BAZ2A: variants seen among roughly 807,000 people sequenced by gnomAD.
The protein encoded by BAZ2A is bromodomain adjacent to zinc finger domain protein 2A.
BAZ2A carries 34 observed loss-of-function variants against 199.9 expected under a neutral mutation model. The observed-to-expected ratio is 0.17, with a 90% CI of 0.13 to 0.23. BAZ2A has a LOEUF of 0.23. Ranked by LOEUF, BAZ2A falls within the 10% of genes least tolerant of loss-of-function variation. The pLI is 1.00. For synonymous variants in BAZ2A, 857 were observed against 883.9 expected (o/e 0.97, Z 0.54); for missense variants, 2,002 against 2,391.1 (o/e 0.84, Z 3.39).
rs1017105598 is a variant in BAZ2A, at chr12:56,606,657, C to G, written c.2169G>C (p.Glu723Asp). Residue 723 changes from glutamate (E) to aspartate (D), a missense_variant, in exon 11 of 29, where the codon GAG becomes GAC. By Grantham distance (45) the Glu-to-Asp change is conservative (BLOSUM62 2). Transcript: ENST00000549884. ...KKMRQKVQRGECQTTIQGQAR... is the reference protein window; with the variant it reads ...KKMRQKVQRGDCQTTIQGQAR... ...CCTGCCCTTGGATAGTAGTCTGACA[C>G]TCTCCCCGTTGAACCTTCTGCCTCA... The G allele has an allele frequency of 6.2e-7, 1 of 1,613,916 alleles. No homozygotes were observed. Among genetic ancestry groups the G allele is most frequent in the East Asian group, 2.2e-5 (1 of 44,850 alleles).
At position 56,601,851 on chromosome 12, in the gene BAZ2A, C is replaced by T. The variant is rs775404198; in HGVS notation, c.3766G>A (p.Gly1256Ser). ...TGGCTGAGGTCATGCTGGCTCTGAC[C>T]CAGTGACAAAGGGGAGCCTTCTTGC... The part of the protein sequence containing the change: ...LEQEGSPLSL[G>S]QSQHDLSQSA... Residue 1256 changes from glycine (G) to serine (S), a missense_variant, in exon 20 of 29, where the codon GGT becomes AGT. Around this residue, in one of 6 missense-constraint regions of BAZ2A, gnomAD observed 1,081 missense variants for 1,274.7 expected, o/e 0.85. Coordinates refer to ENST00000549884, the MANE Select transcript of BAZ2A (RefSeq NM_001300905.2). 15 of 1,613,938 alleles carry T rather than the reference C, an allele frequency of 9.3e-6. No homozygotes were observed. Among genetic ancestry groups the T allele is most frequent in the Non-Finnish European group, 1.3e-5 (15 of 1,179,868 alleles).
chr12:56,609,138 G>A (rs1249440505), intron 10 of BAZ2A, among the ~76,000 whole-genome samples: 5 of 151,850 alleles, frequency 3.3e-5, no homozygotes, highest in East Asian at 1.9e-4. Flanking sequence ...TTGGCCTTCC[G>A]AAGTGCTGGG....
intron 19 of BAZ2A, among the ~76,000 whole-genome samples, 153 bp from the exon 20 acceptor site, chr12:56,602,345 C>T (rs1230790715): frequency 2.0e-5 from 3 of 152,168 alleles, no homozygotes; most frequent in African/African-American, 7.2e-5. Context: ...CCAATGAACA[C>T]AGTATCTGGG....
intron 1 of BAZ2A, among the ~76,000 whole-genome samples, chr12:56,629,750 C>A (rs1951234897): frequency 6.6e-6 from 1 of 151,734 alleles, no homozygotes; most frequent in Non-Finnish European, 1.5e-5. Flanking sequence ...ACCCCTCGCG[C>A]TCAGGCAATC....
Position 56,600,066 on chromosome 12 carries a change from G to A in BAZ2A, c.4923C>T (p.Val1641=), listed in dbSNP as rs1038005980. Reference sequence around the variant, plus strand: ...GGCACCGCTCGAGGGTCTGGCGCCAGACACGAATGCGAGGGGTGATCTCAT... The same window carrying A: ...GGCACCGCTCGAGGGTCTGGCGCCAAACACGAATGCGAGGGGTGATCTCAT... ...ISYEITPRIR[V]WRQTLERCRS... is the part of the protein sequence containing the mutation. The change falls in exon 25 of 29, where the codon GTC becomes GTT. Residue 1641 remains valine, a synonymous_variant. Coordinates refer to ENST00000549884, the MANE Select transcript of BAZ2A (RefSeq NM_001300905.2). 1 of 1,614,074 alleles carries A rather than the reference G, an allele frequency of 6.2e-7. No homozygotes were observed. Among genetic ancestry groups the A allele is most frequent in the Non-Finnish European group, 8.5e-7 (1 of 1,179,904 alleles).
At chr12:56,633,262 G>C (rs555709583), upstream of BAZ2A, among the ~76,000 whole-genome samples, 117 of 152,140 alleles carry the variant, frequency 7.7e-4, no homozygotes, top group African/African-American at 2.7e-3. Context: ...AGAGAGAAGG[G>C]GATTCGTTTG....
In BAZ2A at chr12:56,612,996, C is replaced by G; in HGVS notation, c.1135+19G>C. 6.3e-7 allele frequency: 1 copy of G among 1,594,810 alleles called. No homozygotes were observed. The highest frequency in any genetic ancestry group is 8.6e-7 in the Non-Finnish European group (1 of 1,164,104). On this transcript the variant is annotated intron_variant, in intron 5 of 28. Transcript: ENST00000549884. ...TTCTCAGGTAAAGGTCTTTCTTTGTCCTACCTACCGTCACTTACCTTGCAG... is the reference window on the plus strand; with the variant it reads ...TTCTCAGGTAAAGGTCTTTCTTTGTGCTACCTACCGTCACTTACCTTGCAG...
intron 8 of BAZ2A, 24 bp from the exon 9 acceptor site, chr12:56,610,239 A>C: frequency 1.9e-6 from 3 of 1,612,434 alleles, no homozygotes; most frequent in Non-Finnish European, 2.5e-6. Flanking sequence ...GTAAAGTAAC[A>C]TTAATAAAGT....
rs763973751 is a variant in BAZ2A, at chr12:56,610,534, T to C, written c.1671-17A>G. 6.9e-6 allele frequency: 11 copies of C among 1,603,152 alleles called. No homozygotes were observed. The highest frequency in any genetic ancestry group is 3.3e-4 in the Middle Eastern group (2 of 6,072). On this transcript the variant is annotated splice_polypyrimidine_tract_variant and intron_variant, in intron 7 of 28. Transcript: ENST00000549884. ...CTCCGCCACCTGCCAGAGAAGCACA[T>C]GGGCCCTGCCGCCAGGTCACACCCC...
rs1886274405 is a variant in BAZ2A, at chr12:56,599,946, G to C, written c.5025+18C>G. The C allele has an allele frequency of 6.2e-7, 1 of 1,613,564 alleles. No homozygotes were observed. The highest frequency in any genetic ancestry group is 1.3e-5 in the African/African-American group (1 of 74,910). On this transcript the variant is annotated intron_variant, in intron 25 of 28. Coordinates refer to ENST00000549884, the MANE Select transcript of BAZ2A (RefSeq NM_001300905.2). The stretch of plus-strand genomic sequence containing the variant: ...CTGGCTGGCCCCTCAGCCTCTCCAG[G>C]CTCTCTCAGCCTCTTACCACTTTGT...
chr12:56,635,136 G>T, upstream of BAZ2A: 1 of 723,450 alleles, frequency 1.4e-6, no homozygotes, highest in Non-Finnish European at 1.7e-6. This position sits in a 1 kb window ranked among gnomAD's most constrained non-coding sequence, Gnocchi z 4.1. Context: ...GATCCACTGG[G>T]GGAGAGGATA....
chr12:56,619,522 A>AAAAAG (rs1455709620), intron 1 of BAZ2A, among the ~76,000 whole-genome samples: 1 of 151,614 alleles, frequency 6.6e-6, no homozygotes, highest in East Asian at 1.9e-4. Flanking sequence ...AAAAAAAAAA[A>AAAAAG]AAAAGAAAAG....
chr12:56,601,196 G>A lies in BAZ2A; in HGVS notation c.4278C>T (p.Ala1426=). The A allele has an allele frequency of 6.2e-7, 1 of 1,614,034 alleles. No homozygotes were observed. The highest frequency in any genetic ancestry group is 8.5e-7 in the Non-Finnish European group (1 of 1,179,898). The change falls in exon 21 of 29, where the codon GCC becomes GCT. Residue 1426 remains alanine (A), a synonymous_variant. Transcript: ENST00000549884. ...GTCACTCACCAGGTGGGACAGGCTGGGCTGTCAGCTGGGTTAGGTAACGCT... is the reference window on the plus strand; with the variant it reads ...GTCACTCACCAGGTGGGACAGGCTGAGCTGTCAGCTGGGTTAGGTAACGCT... ...MEQRYLTQLT[A]QPVPPEMCSG... is the part of the protein sequence containing the mutation.
chr12:56,613,207 T>G lies in BAZ2A; in HGVS notation c.943A>C (p.Ile315Leu), dbSNP rs374485358. 5.0e-6 allele frequency: 8 copies of G among 1,613,986 alleles called. No individual in the cohort carries two copies. Among genetic ancestry groups the G allele is most frequent in the Non-Finnish European group, 6.8e-6 (8 of 1,179,900 alleles). ...GCACCCATCAGCTCCGTGTCATCAA[T>G]ACCATATAGTCCTCCACTCACTGGC... The part of the protein sequence containing the change: ...PEPVSGGLYG[I>L]DDTELMGAED... The change falls in exon 5 of 29, where the codon ATT becomes CTT. Residue 315 changes from isoleucine (I) to leucine (L), a missense_variant. Transcript: ENST00000549884.
intron 1 of BAZ2A, among the ~76,000 whole-genome samples, chr12:56,623,159 C>G (rs58594693): frequency 0.043 from 6,471 of 151,912 alleles, 466 homozygotes; most frequent in African/African-American, 0.15. Flanking sequence ...TGGCGTGAAC[C>G]CGGGAGGTGG....
At chr12:56,626,680 AT>A (rs1951104957) in intron 1 of BAZ2A, among the ~76,000 whole-genome samples, 2 of 152,216 alleles carry the variant, frequency 1.3e-5, no homozygotes, top group African/African-American at 4.8e-5. Flanking sequence ...TCCCAATTCA[AT>A]CATGTATCAA....
At chr12:56,634,087 CA>C (rs1196645830), upstream of BAZ2A, among the ~76,000 whole-genome samples, 6 of 152,156 alleles carry the variant, frequency 3.9e-5, no homozygotes, top group East Asian at 1.2e-3. Context: ...GACTTGTTTC[CA>C]AACTTCCCAA....
intron 10 of BAZ2A, among the ~76,000 whole-genome samples, chr12:56,609,350 A>G (rs1210374522): frequency 6.6e-6 from 1 of 152,114 alleles, no homozygotes; most frequent in Admixed American, 6.6e-5. Context: ...CCTGGCTCCC[A>G]ATTATCTTTT....
rs374216091 is a variant in BAZ2A at position 56,604,221 on chromosome 12, G to A, written c.3034C>T (p.Arg1012Trp). 3.1e-6 allele frequency: 5 copies of A among 1,604,786 alleles called. No homozygotes were observed. Among genetic ancestry groups the A allele is most frequent in the African/African-American group, 2.7e-5 (2 of 74,774 alleles). The change falls in exon 16 of 29, where the codon CGG (arginine) becomes TGG (tryptophan). Residue 1012 changes from arginine to tryptophan, a missense_variant. Physicochemically the swap from Arg to Trp is moderately radical, Grantham distance 101 (BLOSUM62 -3). Around this residue, in one of 6 missense-constraint regions of BAZ2A, gnomAD observed 1,081 missense variants for 1,274.7 expected, o/e 0.85. Transcript: ENST00000549884. The stretch of plus-strand genomic sequence containing the variant: ...TACTCTCTGTCTGGTCCCTACCTCC[G>A]GAGCCGGCCTTCAACAATCCACTTG... The part of the protein sequence containing the change: ...KNKWIVEGRL[R>W]RLKTVLAKRT...
Sources: allele counts gnomAD v4.1 joint callset (sites outside exome capture counted in the v4.1 genomes callset), GRCh38; gene constraint gnomAD v4.1.1; regional missense constraint gnomAD v4.1.1; non-coding constraint Gnocchi (gnomAD v3.1); transcripts MANE v1.5; gene names NCBI Gene and HGNC (gene_info 2026-07-23, HGNC 2026-07-21).